FGF12: variants seen among roughly 807,000 people sequenced by gnomAD.
The protein encoded by FGF12 is fibroblast growth factor 12B.
Under a neutral mutation model 23.6 loss-of-function variants are expected in FGF12, and 14 were observed. That is an observed-to-expected ratio of 0.59 (90% confidence interval 0.39 to 0.93). FGF12 has a LOEUF of 0.93. FGF12 is among the 40% of genes least tolerant of loss of function. The probability of loss-of-function intolerance (pLI) is 0.00; values close to 1 mark genes in which losing one functional copy is unlikely to be tolerated. For synonymous variants in FGF12, 62 were observed against 77.3 expected (o/e 0.80, Z 1.04); for missense variants, 175 against 217.8 (o/e 0.80, Z 1.24).
At chr3:192,637,242 G>A (rs1715616317) in intron 2 of FGF12, among the ~76,000 whole-genome samples, 1 of 152,170 alleles carries the variant, frequency 6.6e-6, no homozygotes, top group Non-Finnish European at 1.5e-5. Flanking sequence ...GCCCAGAATA[G>A]CCATGTTCTG....
chr3:192,158,446 C>T (rs961122785), intron 5 of FGF12, among the ~76,000 whole-genome samples: 3 of 100,928 alleles, frequency 3.0e-5, no homozygotes, highest in African/African-American at 1.0e-4. Context: ...TTCTTTCTTT[C>T]TTCTTTTTTC....
chr3:192,464,305 G>A (rs1470501634), intron 2 of FGF12, among the ~76,000 whole-genome samples: 1 of 147,920 alleles, frequency 6.8e-6, no homozygotes, highest in Admixed American at 6.7e-5. Flanking sequence ...CCTTCCCCTT[G>A]AGCCTCCAAA....
chr3:192,295,287 C>T (rs1348580946), intron 4 of FGF12, among the ~76,000 whole-genome samples: 1 of 152,158 alleles, frequency 6.6e-6, no homozygotes, highest in African/African-American at 2.4e-5. Context: ...CTTATCTATC[C>T]ACTACAAAAC....
chr3:192,429,471 C>T (rs952831624), intron 2 of FGF12, among the ~76,000 whole-genome samples: 1 of 152,150 alleles, frequency 6.6e-6, no homozygotes, highest in African/African-American at 2.4e-5. Flanking sequence ...TGTGCTCCTC[C>T]TCTTTCTCCT....
At chr3:192,317,596 T>C (rs1716297286) in intron 4 of FGF12, among the ~76,000 whole-genome samples, 1 of 151,912 alleles carries the variant, frequency 6.6e-6, no homozygotes, top group Admixed American at 6.6e-5. Context: ...ATTCATAAGG[T>C]TCTCAACTCC....
chr3:192,302,786 A>G (rs1715419465), intron 4 of FGF12, among the ~76,000 whole-genome samples: 1 of 152,216 alleles, frequency 6.6e-6, no homozygotes, highest in South Asian at 2.1e-4. Flanking sequence ...CAAGTCTTGC[A>G]TTGGTGCCTG....
chr3:192,592,448 T>C (rs1009699049), intron 2 of FGF12, among the ~76,000 whole-genome samples: 2 of 151,834 alleles, frequency 1.3e-5, no homozygotes, highest in Non-Finnish European at 2.9e-5. Context: ...CTGATCCTAG[T>C]CACAGATCCT....
intron 4 of FGF12, among the ~76,000 whole-genome samples, chr3:192,189,901 T>C (rs974355136): frequency 6.6e-6 from 1 of 151,694 alleles, no homozygotes; most frequent in African/African-American, 2.4e-5. Flanking sequence ...CCTCTTTCCT[T>C]TGAGCAGGAT....
intron 2 of FGF12, among the ~76,000 whole-genome samples, chr3:192,633,255 A>G (rs1715455336): frequency 6.6e-6 from 1 of 152,064 alleles, no homozygotes; most frequent in Non-Finnish European, 1.5e-5. Context: ...CATGTTGGTC[A>G]GGCTGGTTTT....
chr3:192,503,544 G>A (rs1275900586), intron 2 of FGF12, among the ~76,000 whole-genome samples: 1 of 150,278 alleles, frequency 6.7e-6, no homozygotes, highest in South Asian at 2.1e-4. Context: ...GAATTCTATG[G>A]ATATTATGGT....
At chr3:192,495,822 C>T (rs1392435261) in intron 2 of FGF12, among the ~76,000 whole-genome samples, 2 of 151,968 alleles carry the variant, frequency 1.3e-5, no homozygotes, top group African/African-American at 4.8e-5. Flanking sequence ...GTGCCACCAC[C>T]CCCAACTAAT....
intron 4 of FGF12, among the ~76,000 whole-genome samples, chr3:192,278,954 G>A (rs2108637049): frequency 6.6e-6 from 1 of 150,740 alleles, no homozygotes; most frequent in African/African-American, 2.4e-5. Context: ...AATTTTTGGT[G>A]GCCTTCCTGC....
rs1187254143 is a variant in FGF12, at chr3:192,409,079, G to T, written c.14-48541C>A. Reference sequence around the variant, plus strand: ...AGAGAGCGGGAGGCGAGGGAGGGGGGAGGGCGCGAGGGAGGGAGGGAGATC... The same window carrying T: ...AGAGAGCGGGAGGCGAGGGAGGGGGTAGGGCGCGAGGGAGGGAGGGAGATC... On this transcript the variant is annotated intron_variant, in intron 2 of 5. Transcript: ENST00000445105. The surrounding 1 kb of genome is among the most constrained non-coding windows in gnomAD (Gnocchi z 4.8). 1.1e-5 allele frequency: 4 copies of T among 370,398 alleles called. No individual in the cohort carries two copies. Among genetic ancestry groups the T allele is most frequent in the African/African-American group, 2.2e-5 (1 of 45,010 alleles). 22.9% of individuals were successfully genotyped at this position (370,398 alleles called of 1,614,324 possible).
In FGF12 at chr3:192,340,853, C is replaced by T. The variant is rs531463841; in HGVS notation, c.125-5389G>A. ...AAATGTGAGACCTAAAACTGTAAAA[C>T]CCATAGGAAAAAAACATAGGGGAAA... On this transcript the variant is annotated intron_variant, in intron 3 of 5. Transcript: ENST00000445105. Among the ~76,000 whole-genome samples the T allele has an allele frequency of 5.3e-5, 8 of 152,022 alleles. No individual in the cohort carries two copies. The East Asian group carries it at 1.5e-3, about 29-fold the overall frequency.
At chr3:192,298,881 A>T (rs757446140) in intron 4 of FGF12, among the ~76,000 whole-genome samples, 11 of 152,206 alleles carry the variant, frequency 7.2e-5, no homozygotes, top group Non-Finnish European at 1.5e-4. Context: ...GAGTCTGCAT[A>T]TCACATGGTG....
intron 2 of FGF12, among the ~76,000 whole-genome samples, chr3:192,594,288 A>G (rs751729373): frequency 1.1e-4 from 17 of 151,926 alleles, no homozygotes; most frequent in Non-Finnish European, 2.4e-4. Flanking sequence ...CAAGGTGGCA[A>G]TCCACAGTTG....
In FGF12 at chr3:192,701,771, A is replaced by T. The variant is rs576451656; in HGVS notation, c.13+25410T>A. On this transcript the variant is annotated intron_variant, in intron 2 of 5. Transcript: ENST00000445105. Reference sequence around the variant, plus strand: ...GTAAAGTTAGATTATTTTTTAAATTATATATTTAAAGTATACAACATGATG... The same window carrying T: ...GTAAAGTTAGATTATTTTTTAAATTTTATATTTAAAGTATACAACATGATG... 5.3e-5 allele frequency among the ~76,000 whole-genome samples: 8 copies of T among 152,324 alleles called. No homozygotes were observed. In the South Asian group the frequency reaches 1.7e-3, roughly 32 times the overall value.
chr3:192,613,929 T>C (rs1336013774), intron 2 of FGF12, among the ~76,000 whole-genome samples: 1 of 151,938 alleles, frequency 6.6e-6, no homozygotes, highest in East Asian at 1.9e-4. Flanking sequence ...TTAATTCATT[T>C]ATCAGTGGTA....
In FGF12 at chr3:192,419,765, T is replaced by C. The variant is rs188678959; in HGVS notation, c.14-59227A>G. On this transcript the variant is annotated intron_variant, in intron 2 of 5. Transcript: ENST00000445105. Reference sequence around the variant, plus strand: ...CTGATTGCTGGGGATGTGGGAGAAATGACAGAAGGATGGAAGATTCAAGGA... The same window carrying C: ...CTGATTGCTGGGGATGTGGGAGAAACGACAGAAGGATGGAAGATTCAAGGA... 2.0e-4 allele frequency among the ~76,000 whole-genome samples: 31 copies of C among 152,154 alleles called. 1 individual carries two copies. The East Asian group carries it at 5.6e-3, about 28-fold the overall frequency.
Sources: allele counts gnomAD v4.1 joint callset (sites outside exome capture counted in the v4.1 genomes callset), GRCh38; gene constraint gnomAD v4.1.1; non-coding constraint Gnocchi (gnomAD v3.1); transcripts MANE v1.5; gene names NCBI Gene and HGNC (gene_info 2026-07-23, HGNC 2026-07-21).